RNGTT: variants seen among roughly 807,000 people sequenced by gnomAD.
RNGTT encodes the protein mRNA-capping enzyme.
Under a neutral mutation model 79.3 loss-of-function variants are expected in RNGTT, and 33 were observed. The observed-to-expected ratio is 0.42, with a 90% CI of 0.32 to 0.56. The LOEUF (loss-of-function observed/expected upper bound fraction) is 0.56, where lower values mean the gene tolerates loss of function less well. Ranked by LOEUF, RNGTT falls within the 20% of genes least tolerant of loss-of-function variation. The pLI, the probability that RNGTT is intolerant of heterozygous loss-of-function variation, is 0.17. For missense variants in RNGTT, 497 were observed against 739.1 expected, an observed-to-expected ratio of 0.67 and a Z score of 3.80; for synonymous variants, 222 against 235.9, an observed-to-expected ratio of 0.94 and a Z score of 0.54.
At chr6:88,698,314 T>A (rs1167880176) in intron 13 of RNGTT, among the ~76,000 whole-genome samples, 2 of 139,344 alleles carry the variant, frequency 1.4e-5, no homozygotes, top group Non-Finnish European at 3.1e-5. Context: ...AATATATATA[T>A]GAAATATATA....
chr6:88,710,317 A>G (rs1776276011), intron 13 of RNGTT, among the ~76,000 whole-genome samples: 1 of 152,238 alleles, frequency 6.6e-6, no homozygotes, highest in Non-Finnish European at 1.5e-5. Flanking sequence ...ATATGTATTT[A>G]AATATACTGT....
At chr6:88,935,070 A>T (rs1784624114) in intron 2 of RNGTT, among the ~76,000 whole-genome samples, 1 of 152,176 alleles carries the variant, frequency 6.6e-6, no homozygotes, top group Non-Finnish European at 1.5e-5. Context: ...CAGGTCTTAC[A>T]TTTAAAGTCT....
chr6:88,774,118 C>A (rs1417306924), intron 12 of RNGTT, among the ~76,000 whole-genome samples: 1 of 151,932 alleles, frequency 6.6e-6, no homozygotes, highest in Non-Finnish European at 1.5e-5. Flanking sequence ...AAAATGGATA[C>A]AACTTAACAA....
At chr6:88,727,023 A>G (rs1051156362) in intron 13 of RNGTT, among the ~76,000 whole-genome samples, 1 of 152,124 alleles carries the variant, frequency 6.6e-6, no homozygotes, top group East Asian at 1.9e-4. Context: ...AATTTATGTA[A>G]AAAGGAATGT....
intron 13 of RNGTT, among the ~76,000 whole-genome samples, chr6:88,726,940 A>G (rs1300202111): frequency 2.0e-5 from 3 of 152,000 alleles, no homozygotes; most frequent in Non-Finnish European, 2.9e-5. Flanking sequence ...GGTCTAGTCC[A>G]CAGACATGAA....
intron 11 of RNGTT, among the ~76,000 whole-genome samples, chr6:88,834,780 A>G (rs1361290717): frequency 6.6e-6 from 1 of 152,206 alleles, no homozygotes; most frequent in East Asian, 1.9e-4. Flanking sequence ...TTATAAATTT[A>G]TATTTAGTGA....
intron 10 of RNGTT, among the ~76,000 whole-genome samples, chr6:88,845,402 G>A (rs1372052466): frequency 6.6e-6 from 1 of 152,210 alleles, no homozygotes; most frequent in African/African-American, 2.4e-5. Context: ...ACTTTTGTAT[G>A]AATTGAGGAT....
chr6:88,653,694 C>T (rs769300890), intron 14 of RNGTT, among the ~76,000 whole-genome samples: 1 of 152,100 alleles, frequency 6.6e-6, no homozygotes, highest in Admixed American at 6.5e-5. Context: ...GTTTGATGAA[C>T]TCCATGGTAT....
rs1481818942 is a variant in RNGTT at position 88,609,917 on chromosome 6, C to G, written c.*2802G>C. Among the ~76,000 whole-genome samples the G allele has an allele frequency of 6.6e-6, 1 of 152,096 alleles. No homozygotes were observed. The highest frequency in any genetic ancestry group is 1.5e-5 in the Non-Finnish European group (1 of 68,018). ...CTTCATCATTTCAGAATATTTATTG[C>G]TATTGCTGAGTATTCTAAAAAATTT... On this transcript the variant is annotated 3_prime_UTR_variant, in exon 16 of 16. Transcript: ENST00000369485.
chr6:88,859,283 C>A (rs1781935029), intron 8 of RNGTT, among the ~76,000 whole-genome samples: 1 of 151,712 alleles, frequency 6.6e-6, no homozygotes, highest in Non-Finnish European at 1.5e-5. Flanking sequence ...AATTCAAACC[C>A]AGGAGATATA....
chr6:88,775,073 T>C (rs894591286), intron 12 of RNGTT, among the ~76,000 whole-genome samples: 2 of 152,210 alleles, frequency 1.3e-5, no homozygotes, highest in African/African-American at 2.4e-5. Flanking sequence ...GGTATCCTAA[T>C]TGGAATGCAT....
chr6:88,883,170 C>CAAAAAAA (rs976114373), intron 8 of RNGTT, among the ~76,000 whole-genome samples: 3 of 68,886 alleles, frequency 4.4e-5, no homozygotes, highest in Non-Finnish European at 6.4e-5. Context: ...CTCTTTATGA[C>CAAAAAAA]AAAAAAAAAA....
chr6:88,641,258 G>C (rs1273118736), intron 14 of RNGTT, among the ~76,000 whole-genome samples: 1 of 151,232 alleles, frequency 6.6e-6, no homozygotes, highest in Admixed American at 6.6e-5. Context: ...AGAATCACTT[G>C]AACCCATGAG....
intron 11 of RNGTT, among the ~76,000 whole-genome samples, chr6:88,822,748 T>A (rs892997438): frequency 6.6e-6 from 1 of 152,162 alleles, no homozygotes; most frequent in Admixed American, 6.5e-5. Flanking sequence ...AGAGTGAACA[T>A]TGATAGGATG....
chr6:88,917,852 A>C (rs146089024), intron 4 of RNGTT, among the ~76,000 whole-genome samples: 364 of 152,268 alleles, frequency 2.4e-3, no homozygotes, highest in African/African-American at 8.3e-3. Context: ...ATGCCACTGC[A>C]CTCTAGCCTG....
Position 88,727,987 on chromosome 6 carries a change from A to G in RNGTT, c.1439+41787T>C, listed in dbSNP as rs559358424. ...CTCGAGTCAGCCCGGGAAGGACCCT[A>G]CCTTGTGCTGCTAACCACCGATAAT... On this transcript the variant is annotated intron_variant, in intron 13 of 15. Transcript: ENST00000369485. Among the ~76,000 whole-genome samples the G allele has an allele frequency of 9.9e-5, 15 of 152,150 alleles. No homozygotes were observed. The South Asian group carries it at 2.3e-3, about 23-fold the overall frequency.
At chr6:88,959,309 A>G (rs1785537231) in intron 1 of RNGTT, among the ~76,000 whole-genome samples, 1 of 152,190 alleles carries the variant, frequency 6.6e-6, no homozygotes, top group East Asian at 1.9e-4. Flanking sequence ...TGAAGTACTT[A>G]TCCATGTAAC....
chr6:88,667,039 A>G (rs1300370201), intron 14 of RNGTT, among the ~76,000 whole-genome samples: 1 of 152,158 alleles, frequency 6.6e-6, no homozygotes, highest in Non-Finnish European at 1.5e-5. Context: ...GGGTGGCAGT[A>G]ATGCATTGTA....
At chr6:88,903,924 A>G (rs1325070738) in intron 6 of RNGTT, among the ~76,000 whole-genome samples, 1 of 152,108 alleles carries the variant, frequency 6.6e-6, no homozygotes, top group Non-Finnish European at 1.5e-5. Flanking sequence ...AACTCCTCAT[A>G]TTTATGGTTA....
Sources: gnomAD v4.1 joint callset for allele counts (sites outside exome capture counted in the v4.1 genomes callset) on GRCh38, gnomAD v4.1.1 for gene constraint, MANE v1.5 for transcripts, NCBI Gene and HGNC (gene_info 2026-07-23, HGNC 2026-07-21) for gene names.